SLC4A8: variants seen among roughly 807,000 people sequenced by gnomAD.
SLC4A8 encodes the protein electroneutral sodium bicarbonate exchanger 1.
SLC4A8 carries 40 observed loss-of-function variants against 125.0 expected under a neutral mutation model. That is an observed-to-expected ratio of 0.32 (90% CI 0.25 to 0.42). The LOEUF (loss-of-function observed/expected upper bound fraction) is 0.42. Among genes scored for constraint, SLC4A8 ranks in the 10% least tolerant of loss-of-function variants. The probability of loss-of-function intolerance (pLI) is 1.00; values close to 1 mark genes in which losing one functional copy is unlikely to be tolerated. For missense variants in SLC4A8, 863 were observed against 1,355.1 expected (o/e 0.64, Z 5.70); for synonymous variants, 456 against 476.0 (o/e 0.96, Z 0.55).
chr12:51,493,927 T>A, intron 20 of SLC4A8, among the ~76,000 whole-genome samples, 155 bp downstream of exon 20: 1 of 152,318 alleles, frequency 6.6e-6, no homozygotes, highest in South Asian at 2.1e-4. Flanking sequence ...TATTTGGATA[T>A]AGGGAGAAAA....
chr12:51,418,463 A>G (rs2137994614), intron 1 of SLC4A8, among the ~76,000 whole-genome samples: 1 of 152,334 alleles, frequency 6.6e-6, no homozygotes, highest in South Asian at 2.1e-4. Context: ...TGTCTACCCC[A>G]AACAAAGCTG....
At chr12:51,427,678 G>T (rs2138046904) in intron 1 of SLC4A8, among the ~76,000 whole-genome samples, 1 of 152,300 alleles carries the variant, frequency 6.6e-6, no homozygotes, top group Admixed American at 6.5e-5. Flanking sequence ...AGGCTGTGTG[G>T]AGATGGGCCT....
chr12:51,407,882 C>T (rs752939338), intron 1 of SLC4A8: 1 of 152,324 alleles, frequency 6.6e-6, no homozygotes, highest in East Asian at 1.9e-4. Context: ...ATCTACAAGG[C>T]CATGCTCCCT....
At chr12:51,419,605 CT>C (rs1383477817) in intron 1 of SLC4A8, among the ~76,000 whole-genome samples, 1 of 152,186 alleles carries the variant, frequency 6.6e-6, no homozygotes, top group Non-Finnish European at 1.5e-5. Flanking sequence ...AGTCCTACAG[CT>C]TTTCTCCTCC....
At chr12:51,504,245 T>C in intron 23 of SLC4A8, 125 bp downstream of exon 23, 2 of 676,586 alleles carry the variant, frequency 3.0e-6, no homozygotes. Flanking sequence ...GCCTCCCAGT[T>C]CCATCCTGTG....
chr12:51,393,364 G>A (rs1310815305), intron 1 of SLC4A8, among the ~76,000 whole-genome samples: 6 of 151,964 alleles, frequency 3.9e-5, no homozygotes, highest in Non-Finnish European at 7.4e-5. Context: ...CAAAGTGATG[G>A]GATTAGAGGC....
In SLC4A8 at chr12:51,408,449, C is replaced by A. The variant is rs143466177; in HGVS notation, c.-112+16961C>A. Among the ~76,000 whole-genome samples the A allele has an allele frequency of 3.0e-3, 462 of 152,102 alleles. 3 individuals carry two copies. The highest frequency in any genetic ancestry group is 0.011 in the African/African-American group (439 of 41,480). On this transcript the variant is annotated intron_variant, in intron 1 of 24. Transcript: ENST00000358657. Reference sequence around the variant, plus strand: ...ATGGGGTTTCTCCATGCTGGCCAGGCTGGTCTCGAACTCCAGACCTCAGGT... The same window carrying A: ...ATGGGGTTTCTCCATGCTGGCCAGGATGGTCTCGAACTCCAGACCTCAGGT...
At chr12:51,425,736 T>A (rs1472291133) in intron 1 of SLC4A8, among the ~76,000 whole-genome samples, 1 of 152,196 alleles carries the variant, frequency 6.6e-6, no homozygotes, top group Non-Finnish European at 1.5e-5. Flanking sequence ...AGTCTGTAGT[T>A]TGAAATCCTA....
chr12:51,403,105 A>G (rs1948423709), intron 1 of SLC4A8: 1 of 432,220 alleles, frequency 2.3e-6, no homozygotes, highest in Non-Finnish European at 4.7e-6. Context: ...TGAAATTTAG[A>G]TTAGGTAATA....
intron 1 of SLC4A8, among the ~76,000 whole-genome samples, chr12:51,435,600 G>A (rs888489051): frequency 2.0e-5 from 3 of 151,910 alleles, no homozygotes; most frequent in African/African-American, 2.4e-5. Context: ...CCCCAACTCC[G>A]CCACCTCTCT....
rs1938446772 is a variant in SLC4A8, at chr12:51,513,841, T to C, written c.*6403T>C. The stretch of plus-strand genomic sequence containing the variant: ...GCTTGGTTGATATCTCAGACTATGA[T>C]AGCTGTGACCTTCAAGAAATTTCTG... On this transcript the variant is annotated 3_prime_UTR_variant, in exon 25 of 25. Transcript: ENST00000453097. 1.3e-5 allele frequency: 2 copies of C among 152,362 alleles called. No individual in the cohort carries two copies. Among genetic ancestry groups the C allele is most frequent in the Admixed American group, 6.5e-5 (1 of 15,302 alleles). The allele number at this position is 152,362 out of a possible 1,614,324, so 9.4% of individuals were successfully genotyped here. A position where few individuals can be genotyped will look rare whatever the true frequency, so the allele number is the denominator to read the frequency against.
intron 5 of SLC4A8, among the ~76,000 whole-genome samples, chr12:51,455,375 C>T (rs991459402): frequency 3.3e-5 from 5 of 151,434 alleles, no homozygotes; most frequent in Non-Finnish European, 7.4e-5. Context: ...AAAAGTGCAA[C>T]GACAGAGACA....
At chr12:51,394,667 A>G (rs1565746168) in intron 1 of SLC4A8, among the ~76,000 whole-genome samples, 1 of 152,282 alleles carries the variant, frequency 6.6e-6, no homozygotes, top group East Asian at 1.9e-4. Flanking sequence ...TAAAAATACA[A>G]CAGGCACGGG....
chr12:51,464,432 T>G (rs1264185247), intron 11 of SLC4A8, among the ~76,000 whole-genome samples: 1 of 152,208 alleles, frequency 6.6e-6, no homozygotes, highest in Non-Finnish European at 1.5e-5. Flanking sequence ...GGCAATCTAC[T>G]CTTCTAGGCC....
chr12:51,414,657 GTGCCACTGTACTC>G (rs2137980475), intron 1 of SLC4A8, among the ~76,000 whole-genome samples: 1 of 152,304 alleles, frequency 6.6e-6, no homozygotes, highest in East Asian at 1.9e-4. Flanking sequence ...AGTTGTGATT[GTGCCACTGTACTC>G]TCACCTGAGT....
chr12:51,488,656 G>T (rs950521762), intron 17 of SLC4A8, 43 bp from the exon 18 acceptor site: 4 of 1,518,344 alleles, frequency 2.6e-6, no homozygotes, highest in African/African-American at 1.4e-5. Flanking sequence ...TTACCCCAAT[G>T]ACTATAACTT....
At chr12:51,477,197 C>T (rs1270672381) in intron 16 of SLC4A8, among the ~76,000 whole-genome samples, 1 of 152,044 alleles carries the variant, frequency 6.6e-6, no homozygotes, top group East Asian at 1.9e-4. Flanking sequence ...AGCCACCATG[C>T]CCAACCAATA....
At chr12:51,422,569 A>T (rs1418039932), upstream of SLC4A8, among the ~76,000 whole-genome samples, 1 of 152,122 alleles carries the variant, frequency 6.6e-6, no homozygotes, top group Non-Finnish European at 1.5e-5. Context: ...ATGTTGGCCC[A>T]AGTTGGTCTT....
intron 1 of SLC4A8, among the ~76,000 whole-genome samples, chr12:51,414,094 C>A (rs961619972): frequency 2.0e-5 from 3 of 151,026 alleles, no homozygotes; most frequent in Non-Finnish European, 4.4e-5. Flanking sequence ...TCTTCAATTT[C>A]TTTCATCAGT....
Sources: gnomAD v4.1 joint callset for allele counts (sites outside exome capture counted in the v4.1 genomes callset) on GRCh38, gnomAD v4.1.1 for gene constraint, MANE v1.5 for transcripts, NCBI Gene and HGNC (gene_info 2026-07-23, HGNC 2026-07-21) for gene names.